SBK1: variants seen among roughly 807,000 people sequenced by gnomAD.
SBK1 encodes the protein SH3 domain binding kinase 1.
Under a neutral mutation model 24.4 loss-of-function variants are expected in SBK1, and 11 were observed. The observed-to-expected ratio is 0.45, with a 90% confidence interval of 0.28 to 0.75. The LOEUF is 0.75. SBK1 is among the 30% of genes least tolerant of loss of function. SBK1 has a pLI of 0.12. For missense variants in SBK1, 467 were observed against 620.5 expected, an observed-to-expected ratio of 0.75 and a Z score of 2.63; for synonymous variants, 308 against 284.4, an observed-to-expected ratio of 1.08 and a Z score of -0.83.
chr16:28,305,858 C>T (rs998128892), intron 1 of SBK1, among the ~76,000 whole-genome samples: 3 of 152,214 alleles, frequency 2.0e-5, no homozygotes, highest in Non-Finnish European at 4.4e-5. Context: ...TTCTTATATA[C>T]GTAGTCAGAT....
In SBK1 at chr16:28,310,942, C is replaced by T. The variant is rs147821912; in HGVS notation, c.-7-6443C>T. Among the ~76,000 whole-genome samples the T allele has an allele frequency of 3.7e-3, 565 of 152,296 alleles. 30 individuals are homozygous for T. In the South Asian group the frequency reaches 0.1, roughly 28 times the overall value. On this transcript the variant is annotated intron_variant, in intron 1 of 3. Coordinates refer to ENST00000341901, the MANE Select transcript of SBK1 (RefSeq NM_001024401.3). ...AGGCCCATTGCTCCCCCTGTGCCTCCGACGCCACGTGCGCCGGAACTGGGT... is the reference window on the plus strand; with the variant it reads ...AGGCCCATTGCTCCCCCTGTGCCTCTGACGCCACGTGCGCCGGAACTGGGT...
chr16:28,321,182 AAC>A lies in SBK1; in HGVS notation c.*316_*317del, dbSNP rs55860114. On this transcript the variant is annotated 3_prime_UTR_variant, in exon 4 of 4. Transcript: ENST00000341901. ...CCCGAGAATTCGGAGGCCACCACAC[AAC>A]ACACACACACACACACACACACACA... 0.029 allele frequency: 5,502 copies of A among 190,938 alleles called. 124 individuals are homozygous for A. Among genetic ancestry groups the A allele is most frequent in the African/African-American group, 0.048 (1,539 of 32,324 alleles). 11.8% of individuals were successfully genotyped at this position (190,938 alleles called of 1,614,324 possible). A position where few individuals can be genotyped will look rare whatever the true frequency, so the allele number is the denominator to read the frequency against.
In SBK1 at chr16:28,279,745, T is replaced by C. The variant is rs367668899; in HGVS notation, c.257+20243T>C. On this transcript the variant is annotated intron_variant, in intron 1 of 3. Transcript: ENST00000671413. Reference sequence around the variant, plus strand: ...CATTCCCCTGCCCTCCCCAGGATCCTGAGTCCAGGGTCGGCACTGAGGGCA... The same window carrying C: ...CATTCCCCTGCCCTCCCCAGGATCCCGAGTCCAGGGTCGGCACTGAGGGCA... 2.0e-5 allele frequency among the ~76,000 whole-genome samples: 3 copies of C among 152,064 alleles called. No individual in the cohort carries two copies. The East Asian group carries it at 5.8e-4, about 29-fold the overall frequency.
Position 28,317,598 on chromosome 16 carries a change from G to C in SBK1, c.207G>C (p.Leu69=). The C allele has an allele frequency of 6.2e-7, 1 of 1,613,256 alleles. No individual in the cohort carries two copies. The highest frequency in any genetic ancestry group is 8.5e-7 in the Non-Finnish European group (1 of 1,179,148). The change falls in exon 2 of 4, where the codon CTG becomes CTC. Residue 69 remains leucine (L), a synonymous_variant. Transcript: ENST00000341901. This position sits in a 1 kb window ranked among gnomAD's most constrained non-coding sequence, Gnocchi z 4.2. ...AAGGCACCTATGGGAAGGTTGACCT[G>C]GTGGTCTACAAGGGCACAGGTGAAC... The part of the protein sequence containing the change: ...LGKGTYGKVD[L]VVYKGTGTKM...
At chr16:28,279,586 C>G (rs747065732) in intron 1 of SBK1, among the ~76,000 whole-genome samples, 8 of 152,144 alleles carry the variant, frequency 5.3e-5, no homozygotes, top group Non-Finnish European at 1.0e-4. Flanking sequence ...CGAAAACTGT[C>G]AGTGCTCCAT....
At chr16:28,305,513 CA>C (rs1333480175) in intron 1 of SBK1, among the ~76,000 whole-genome samples, 3 of 147,664 alleles carry the variant, frequency 2.0e-5, no homozygotes, top group African/African-American at 7.5e-5. Context: ...CACCTGGCCC[CA>C]ATCTGTCTCT....
At chr16:28,306,289 A>G (rs1248624825) in intron 1 of SBK1, among the ~76,000 whole-genome samples, 1 of 152,250 alleles carries the variant, frequency 6.6e-6, no homozygotes, top group Non-Finnish European at 1.5e-5. Flanking sequence ...CAATAAAGAT[A>G]TAAGCAGAGA....
In SBK1 at chr16:28,259,433, C is replaced by T. The variant is rs564763931; in HGVS notation, c.188C>T (p.Pro63Leu). 7.1e-6 allele frequency: 7 copies of T among 985,990 alleles called. No individual in the cohort carries two copies. In the South Asian group the frequency reaches 1.4e-4, roughly 20 times the overall value. 61.1% of individuals were successfully genotyped at this position (985,990 alleles called of 1,614,324 possible). The change falls in exon 1 of 4, where the codon CCG becomes CTG. Residue 63 changes from proline to leucine, a missense_variant. By Grantham distance (98) the Pro-to-Leu change is moderately conservative. Coordinates refer to the SBK1 transcript ENST00000671413. This position sits in a 1 kb window ranked among gnomAD's most constrained non-coding sequence, Gnocchi z 6.0. ...ATGGGCTGCGGAGTCGATGATGTGC[C>T]GGCCTTCTGCTTCGTCTGCTTCCAC...
intron 1 of SBK1, among the ~76,000 whole-genome samples, chr16:28,283,848 C>T (rs1312755260): frequency 2.6e-5 from 4 of 152,246 alleles, no homozygotes; most frequent in South Asian, 2.1e-4. Context: ...TTCCCCACTC[C>T]GACCTGCCAG....
intron 1 of SBK1, chr16:28,286,318 T>G (rs1311696888): frequency 2.0e-5 from 3 of 152,146 alleles, no homozygotes; most frequent in Admixed American, 6.5e-5. Flanking sequence ...GGCGGGAGGA[T>G]CTCTTGAGCC....
At chr16:28,276,093 T>C (rs1597012268) in intron 1 of SBK1, among the ~76,000 whole-genome samples, 2 of 152,184 alleles carry the variant, frequency 1.3e-5, no homozygotes, top group South Asian at 2.1e-4. Flanking sequence ...GGTTGTGGTT[T>C]GATGGCGGAG....
chr16:28,266,044 A>G (rs1332603945), intron 1 of SBK1, among the ~76,000 whole-genome samples: 2 of 152,054 alleles, frequency 1.3e-5, no homozygotes, highest in Admixed American at 6.6e-5. Context: ...GATTGAACAC[A>G]CACATGTAAT....
chr16:28,315,780 T>C (rs1309743820), intron 1 of SBK1, among the ~76,000 whole-genome samples: 2 of 152,092 alleles, frequency 1.3e-5, no homozygotes, highest in African/African-American at 4.8e-5. Context: ...ACAGTTTTTT[T>C]TTTGAGACGG....
At chr16:28,297,317 TGA>T (rs764329007) in intron 1 of SBK1, among the ~76,000 whole-genome samples, 1 of 152,076 alleles carries the variant, frequency 6.6e-6, no homozygotes, top group Non-Finnish European at 1.5e-5. Context: ...GGTGACAGAC[TGA>T]GAGTCCGTCT....
chr16:28,289,889 C>G (rs909217229), upstream of SBK1, among the ~76,000 whole-genome samples: 1 of 151,934 alleles, frequency 6.6e-6, no homozygotes, highest in Admixed American at 6.6e-5. Context: ...AGTTCAAGAC[C>G]AGCCTGGGCA....
intron 1 of SBK1, among the ~76,000 whole-genome samples, chr16:28,278,293 C>T (rs1344850912): frequency 6.6e-6 from 1 of 152,154 alleles, no homozygotes; most frequent in African/African-American, 2.4e-5. Context: ...GTGTCTAGGA[C>T]AGGGAAAGAG....
In SBK1 at chr16:28,271,143, G is replaced by A. The variant is rs139599772; in HGVS notation, c.257+11641G>A. ...CTCCCAAAGTGCTGGGATTACAGGC[G>A]TGAGCCACTGCACCCGGCCTACGCA... On this transcript the variant is annotated intron_variant, in intron 1 of 3. Coordinates refer to the SBK1 transcript ENST00000671413. 6.6e-4 allele frequency among the ~76,000 whole-genome samples: 100 copies of A among 152,074 alleles called. No homozygotes were observed. The East Asian group carries it at 0.018, about 27-fold the overall frequency.
chr16:28,320,762 G>A lies in SBK1; in HGVS notation c.1116G>A (p.Ser372=), dbSNP rs1295817425. Residue 372 remains serine, a synonymous_variant, in exon 4 of 4, where the codon TCG becomes TCA. Coordinates refer to ENST00000341901, the MANE Select transcript of SBK1 (RefSeq NM_001024401.3). The surrounding 1 kb of genome is among the most constrained non-coding windows in gnomAD (Gnocchi z 8.5). ...GGCCCGCGCCCCCCGCCGTCGGGTCGGTGCCCTTGCCCGTGCCGGTGCCGG... is the reference window on the plus strand; with the variant it reads ...GGCCCGCGCCCCCCGCCGTCGGGTCAGTGCCCTTGCCCGTGCCGGTGCCGG... ...GSRPAPPAVG[S]VPLPVPVPVP... The A allele has an allele frequency of 7.3e-7, 1 of 1,369,170 alleles. No individual in the cohort carries two copies. Among genetic ancestry groups the A allele is most frequent in the Non-Finnish European group, 9.5e-7 (1 of 1,053,978 alleles). 84.8% of individuals were successfully genotyped at this position (1,369,170 alleles called of 1,614,324 possible).
chr16:28,282,938 T>C (rs2044542676), intron 1 of SBK1, among the ~76,000 whole-genome samples: 1 of 152,074 alleles, frequency 6.6e-6, no homozygotes, highest in African/African-American at 2.4e-5. Context: ...TTTGTTTGTT[T>C]GTTTGTTTGT....
Sources: allele counts gnomAD v4.1 joint callset (sites outside exome capture counted in the v4.1 genomes callset), GRCh38; gene constraint gnomAD v4.1.1; non-coding constraint Gnocchi (gnomAD v3.1); transcripts MANE v1.5; gene names NCBI Gene and HGNC (gene_info 2026-07-23, HGNC 2026-07-21).